Variants in TOX3 observed in about 807,000 individuals in gnomAD.
The protein encoded by TOX3 is TOX high mobility group box family member 3, also known as CAG trinucleotide repeat-containing gene F9 protein.
In TOX3, 22 loss-of-function variants were observed where a neutral mutation model predicts 64.3. That is an observed-to-expected ratio of 0.34 (90% CI 0.24 to 0.49). TOX3 has a LOEUF of 0.49. Ranked by LOEUF, TOX3 falls within the 20% of genes least tolerant of loss-of-function variation. The pLI, the probability that TOX3 is intolerant of heterozygous loss-of-function variation, is 0.99. For synonymous variants in TOX3, 291 were observed against 273.6 expected, an observed-to-expected ratio of 1.06 and a Z score of -0.63; for missense variants, 661 against 714.4, an observed-to-expected ratio of 0.93 and a Z score of 0.85.
Position 52,441,458 on chromosome 16 carries a change from A to G in TOX3, c.988-1490T>C, listed in dbSNP as rs563198706. On this transcript the variant is annotated intron_variant, in intron 6 of 6. Coordinates refer to ENST00000219746, the MANE Select transcript of TOX3 (RefSeq NM_001080430.4). ...ATAAACAGCAGATCTAGGGCTGAAC[A>G]TAGAGAGAAACTATCTATTACATTT... Among the ~76,000 whole-genome samples, 36 of 152,336 alleles carry G rather than the reference A, an allele frequency of 2.4e-4. No individual in the cohort carries two copies. In the South Asian group the frequency reaches 5.4e-3, roughly 23 times the overall value.
At chr16:52,452,936 G>A (rs943712894) in intron 3 of TOX3, among the ~76,000 whole-genome samples, 14 of 152,054 alleles carry the variant, frequency 9.2e-5, no homozygotes, top group Non-Finnish European at 7.4e-5. Context: ...ACAATATTAC[G>A]TTCTACTTGC....
At chr16:52,507,101 A>C (rs984571742) in intron 1 of TOX3, among the ~76,000 whole-genome samples, 1 of 152,194 alleles carries the variant, frequency 6.6e-6, no homozygotes, top group Non-Finnish European at 1.5e-5. Context: ...ATGTACACCT[A>C]AGACCTACAT....
rs140739753 is a variant in TOX3, at chr16:52,460,435, T to C, written c.408+3499A>G. Among the ~76,000 whole-genome samples the C allele has an allele frequency of 6.4e-4, 97 of 152,316 alleles. 1 individual carries two copies. Among genetic ancestry groups the C allele is most frequent in the Admixed American group, 3.1e-3 (48 of 15,304 alleles). ...ATTCATCAAAGCTAACCTTCTGTTA[T>C]GTACAACAGGCTAAGCTGAAAAGAA... On this transcript the variant is annotated intron_variant, in intron 3 of 6. Coordinates refer to ENST00000219746, the MANE Select transcript of TOX3 (RefSeq NM_001080430.4).
At chr16:52,454,109 C>T (rs1022947663) in intron 3 of TOX3, among the ~76,000 whole-genome samples, 1 of 152,072 alleles carries the variant, frequency 6.6e-6, no homozygotes, top group African/African-American at 2.4e-5. Context: ...GGTATCTTCA[C>T]GGTAGAGGCA....
chr16:52,522,241 C>T (rs1962627802), intron 1 of TOX3, among the ~76,000 whole-genome samples: 1 of 152,302 alleles, frequency 6.6e-6, no homozygotes, highest in African/African-American at 2.4e-5. Flanking sequence ...GGTTCATAGG[C>T]TTTGTCTCCT....
chr16:52,446,600 G>A (rs1168240340), intron 4 of TOX3, among the ~76,000 whole-genome samples: 1 of 152,024 alleles, frequency 6.6e-6, no homozygotes, highest in African/African-American at 2.4e-5. Flanking sequence ...ATAATATTCA[G>A]GATGTTGATC....
intron 1 of TOX3, among the ~76,000 whole-genome samples, chr16:52,484,539 G>A (rs1468288051): frequency 6.6e-6 from 1 of 152,054 alleles, no homozygotes; most frequent in Non-Finnish European, 1.5e-5. Context: ...ATAACAAACA[G>A]CAATAATCAA....
intron 1 of TOX3, among the ~76,000 whole-genome samples, chr16:52,515,079 G>C (rs1487035657): frequency 1.4e-5 from 2 of 144,868 alleles, no homozygotes; most frequent in Non-Finnish European, 3.0e-5. Context: ...CAGAGCTCGA[G>C]TCTGTCTTGT....
intron 1 of TOX3, among the ~76,000 whole-genome samples, chr16:52,491,014 T>C (rs1961668274): frequency 1.3e-5 from 2 of 152,164 alleles, no homozygotes; most frequent in African/African-American, 2.4e-5. Flanking sequence ...AGTCTTCCAA[T>C]ATGGAAGTCT....
In TOX3 at chr16:52,439,735, C is replaced by T. The variant is rs776227810; in HGVS notation, c.1221G>A (p.Met407Ile). The T allele has an allele frequency of 2.5e-6, 4 of 1,613,970 alleles. No homozygotes were observed. Among genetic ancestry groups the T allele is most frequent in the East Asian group, 4.5e-5 (2 of 44,876 alleles). ...TCAGTGGAGCCCCAATGTTCGAGGG[C>T]ATGTTGGCTGCAATGGTGACTGATG... ...IVTSVTIAANMPSNIGAPLIS... is the reference protein window; with the variant it reads ...IVTSVTIAANIPSNIGAPLIS... The change falls in exon 7 of 7, where the codon ATG becomes ATA. Residue 407 changes from methionine to isoleucine, a missense_variant. Physicochemically the swap from Met to Ile is conservative, Grantham distance 10. Transcript: ENST00000219746.
At chr16:52,457,386 C>T (rs1350477641) in intron 3 of TOX3, among the ~76,000 whole-genome samples, 1 of 152,130 alleles carries the variant, frequency 6.6e-6, no homozygotes, top group African/African-American at 2.4e-5. Flanking sequence ...GTGTTTAATG[C>T]ATCTTCTATC....
chr16:52,492,649 A>G (rs1391844515), intron 1 of TOX3, among the ~76,000 whole-genome samples: 1 of 146,100 alleles, frequency 6.8e-6, no homozygotes, highest in Admixed American at 6.9e-5. Flanking sequence ...ATTTTCATAT[A>G]CTGAATCTGA....
At chr16:52,545,987 G>GC (rs202014214) in intron 1 of TOX3, among the ~76,000 whole-genome samples, 2 of 152,100 alleles carry the variant, frequency 1.3e-5, no homozygotes, top group African/African-American at 4.8e-5. Context: ...GCAAAACTTA[G>GC]CCCCCCCAAA....
intron 1 of TOX3, among the ~76,000 whole-genome samples, chr16:52,503,922 G>A (rs1596835746): frequency 6.6e-6 from 1 of 151,960 alleles, no homozygotes; most frequent in African/African-American, 2.4e-5. Flanking sequence ...TCCGAAGTCC[G>A]CTTTATCATT....
At chr16:52,487,208 ACTGTTGG>A (rs1961555814) in intron 1 of TOX3, among the ~76,000 whole-genome samples, 2 of 151,708 alleles carry the variant, frequency 1.3e-5, no homozygotes, top group Admixed American at 6.6e-5. Flanking sequence ...CAACTCGAAA[ACTGTTGG>A]CTTCTGGTAG....
intron 3 of TOX3, among the ~76,000 whole-genome samples, chr16:52,459,696 A>C (rs989241511): frequency 1.3e-5 from 2 of 152,160 alleles, no homozygotes; most frequent in Non-Finnish European, 2.9e-5. Context: ...GTTTTAATAG[A>C]ATGTTCCATG....
chr16:52,493,511 T>C (rs1037098219), intron 1 of TOX3, among the ~76,000 whole-genome samples: 11 of 152,190 alleles, frequency 7.2e-5, no homozygotes, highest in African/African-American at 2.7e-4. Context: ...ATGCCAAATA[T>C]CATCTGAAGA....
chr16:52,486,007 T>G (rs1384961859), intron 1 of TOX3, among the ~76,000 whole-genome samples: 1 of 152,104 alleles, frequency 6.6e-6, no homozygotes, highest in Non-Finnish European at 1.5e-5. Context: ...AAAGCACGGG[T>G]GCATTTTAAA....
intron 3 of TOX3, among the ~76,000 whole-genome samples, chr16:52,452,904 A>G (rs1960398030): frequency 6.6e-6 from 1 of 152,196 alleles, no homozygotes; most frequent in Non-Finnish European, 1.5e-5. Context: ...TATCACCGGC[A>G]GTGTTCTCCT....
Sources: allele counts gnomAD v4.1 joint callset (sites outside exome capture counted in the v4.1 genomes callset), GRCh38; gene constraint gnomAD v4.1.1; transcripts MANE v1.5; gene names NCBI Gene and HGNC (gene_info 2026-07-23, HGNC 2026-07-21).